ZNF804B: variants seen among roughly 807,000 people sequenced by gnomAD.
ZNF804B encodes the protein zinc finger protein 804B, also known as zinc finger 804B.
ZNF804B carries 80 observed loss-of-function variants against 101.4 expected under a neutral mutation model. The observed-to-expected ratio is 0.79, with a 90% CI of 0.66 to 0.95. The LOEUF is 0.95. Among genes scored for constraint, ZNF804B ranks in the 40% least tolerant of loss-of-function variants. The pLI, the probability that ZNF804B is intolerant of heterozygous loss-of-function variation, is 0.00. For missense variants in ZNF804B, 1,673 were observed against 1,561.9 expected, an observed-to-expected ratio of 1.07 and a Z score of -1.20; for synonymous variants, 622 against 558.8, an observed-to-expected ratio of 1.11 and a Z score of -1.59.
chr7:89,296,425 T>A (rs1790385377), intron 2 of ZNF804B, among the ~76,000 whole-genome samples: 1 of 151,992 alleles, frequency 6.6e-6, no homozygotes, highest in Admixed American at 6.6e-5. Flanking sequence ...TGGATATCCT[T>A]ATTTAAGTTA....
intron 2 of ZNF804B, among the ~76,000 whole-genome samples, chr7:89,288,113 T>G (rs574639357): frequency 1.3e-5 from 2 of 151,958 alleles, no homozygotes; most frequent in Admixed American, 6.6e-5. Context: ...CTTAATGAGT[T>G]GAAAAAAGAA....
At chr7:88,997,961 G>T (rs191595168) in intron 1 of ZNF804B, among the ~76,000 whole-genome samples, 1 of 151,928 alleles carries the variant, frequency 6.6e-6, no homozygotes, top group Non-Finnish European at 1.5e-5. Flanking sequence ...AATGACAGTT[G>T]TTCCTGTACA....
intron 1 of ZNF804B, among the ~76,000 whole-genome samples, chr7:88,970,835 G>A (rs1009404381): frequency 8.7e-6 from 1 of 115,010 alleles, no homozygotes; most frequent in Admixed American, 1.0e-4. Flanking sequence ...GGGGGAGGGG[G>A]GAGGGATAGC....
At chr7:89,269,873 T>G (rs1235923844) in intron 2 of ZNF804B, among the ~76,000 whole-genome samples, 1 of 152,220 alleles carries the variant, frequency 6.6e-6, no homozygotes, top group African/African-American at 2.4e-5. Context: ...TTTTGAGAAG[T>G]GTCTGTTCAT....
intron 1 of ZNF804B, among the ~76,000 whole-genome samples, chr7:89,161,399 C>T (rs1012171336): frequency 6.6e-6 from 1 of 151,942 alleles, no homozygotes; most frequent in Non-Finnish European, 1.5e-5. Flanking sequence ...AAAACCACTT[C>T]CCCATTGGAA....
intron 1 of ZNF804B, among the ~76,000 whole-genome samples, chr7:89,151,466 T>C (rs1313071375): frequency 6.6e-6 from 1 of 152,100 alleles, no homozygotes; most frequent in Non-Finnish European, 1.5e-5. Flanking sequence ...AATCACTTCA[T>C]GACTTAATCA....
intron 1 of ZNF804B, among the ~76,000 whole-genome samples, chr7:89,019,906 T>G (rs1265768617): frequency 6.6e-6 from 1 of 152,078 alleles, no homozygotes; most frequent in Non-Finnish European, 1.5e-5. Context: ...ATTCAGCCAG[T>G]GGATATTTTT....
chr7:88,962,411 G>C (rs1387826155), intron 1 of ZNF804B, among the ~76,000 whole-genome samples: 2 of 150,942 alleles, frequency 1.3e-5, no homozygotes, highest in East Asian at 3.9e-4. Flanking sequence ...AGTGTTATGG[G>C]CAGTGTTCTG....
intron 1 of ZNF804B, among the ~76,000 whole-genome samples, chr7:88,933,513 A>G (rs1792921549): frequency 1.3e-5 from 2 of 151,934 alleles, no homozygotes; most frequent in African/African-American, 4.8e-5. Context: ...CTAATCACCA[A>G]TGATATGATT....
intron 1 of ZNF804B, among the ~76,000 whole-genome samples, chr7:88,926,566 C>G (rs1433004614): frequency 6.6e-6 from 1 of 151,950 alleles, no homozygotes; most frequent in Non-Finnish European, 1.5e-5. Context: ...CGAGATCACG[C>G]CATAGCACTC....
At chr7:88,896,651 G>T (rs1247001138) in intron 1 of ZNF804B, among the ~76,000 whole-genome samples, 3 of 152,170 alleles carry the variant, frequency 2.0e-5, no homozygotes, top group Non-Finnish European at 4.4e-5. Context: ...GAAATTCTAA[G>T]AGATAAGTTT....
At chr7:88,888,119 A>G (rs1457724868) in intron 1 of ZNF804B, among the ~76,000 whole-genome samples, 2 of 152,130 alleles carry the variant, frequency 1.3e-5, no homozygotes, top group Non-Finnish European at 2.9e-5. Flanking sequence ...TGGGCTGGGC[A>G]TGGTGGCTCA....
At chr7:88,872,999 T>C (rs578085091) in intron 1 of ZNF804B, among the ~76,000 whole-genome samples, 2 of 152,126 alleles carry the variant, frequency 1.3e-5, no homozygotes, top group East Asian at 1.9e-4. Flanking sequence ...ATGGGATGGC[T>C]GGGTCAAATG....
chr7:88,947,390 T>C (rs960027672), intron 1 of ZNF804B, among the ~76,000 whole-genome samples: 3 of 151,936 alleles, frequency 2.0e-5, no homozygotes, highest in Non-Finnish European at 2.9e-5. Context: ...CTGGAAACCA[T>C]GGTTCTCAGC....
rs766862107 is a variant in ZNF804B, at chr7:89,001,369, TA to T, written c.109-216782del. 3.3e-5 allele frequency among the ~76,000 whole-genome samples: 5 copies of T among 151,618 alleles called. No individual in the cohort carries two copies. The East Asian group carries it at 7.7e-4, about 23-fold the overall frequency. On this transcript the variant is annotated intron_variant, in intron 1 of 3. Transcript: ENST00000333190. ...TTTTCCTTTCCTTTTCTTTTTTTTTTAAAAGCTAAATGAAAGATTTTATTAG... is the reference window on the plus strand; with the variant it reads ...TTTTCCTTTCCTTTTCTTTTTTTTTTAAAGCTAAATGAAAGATTTTATTAG...
At chr7:88,860,464 A>G (rs557199713) in intron 1 of ZNF804B, among the ~76,000 whole-genome samples, 25 of 152,206 alleles carry the variant, frequency 1.6e-4, no homozygotes, top group Non-Finnish European at 2.9e-4. Context: ...TAGCAAAATT[A>G]TGCTTGGAAA....
intron 1 of ZNF804B, among the ~76,000 whole-genome samples, chr7:89,032,913 TATTC>T (rs1302126733): frequency 6.6e-6 from 1 of 152,116 alleles, no homozygotes; most frequent in African/African-American, 2.4e-5. Context: ...CTAATTAGCA[TATTC>T]ATTACCTCAA....
At chr7:89,246,916 G>A (rs1789457655) in intron 2 of ZNF804B, among the ~76,000 whole-genome samples, 1 of 151,946 alleles carries the variant, frequency 6.6e-6, no homozygotes, top group Admixed American at 6.6e-5. Context: ...TCTGCTTCAT[G>A]TCCAGGCAAA....
chr7:89,054,714 T>G (rs2116271653), intron 1 of ZNF804B, among the ~76,000 whole-genome samples: 1 of 152,192 alleles, frequency 6.6e-6, no homozygotes. Context: ...GCTTATTCAT[T>G]TATTTATTTA....
Sources: allele counts gnomAD v4.1 joint callset (sites outside exome capture counted in the v4.1 genomes callset), GRCh38; gene constraint gnomAD v4.1.1; transcripts MANE v1.5; gene names NCBI Gene and HGNC (gene_info 2026-07-23, HGNC 2026-07-21).